Variants in C16orf54 observed in about 807,000 individuals in gnomAD.
C16orf54 encodes the protein chromosome 16 open reading frame 54, also known as transmembrane protein C16orf54.
A neutral mutation model predicts 3.9 loss-of-function variants in C16orf54; 2 were observed. The observed-to-expected ratio is 0.52, with a 90% confidence interval of 0.21 to 1.63. The LOEUF (loss-of-function observed/expected upper bound fraction) is 1.63. C16orf54 is among the 40% of genes most tolerant of loss of function. C16orf54 has a pLI of 0.21. For synonymous variants in C16orf54, 128 were observed against 135.1 expected, an observed-to-expected ratio of 0.95 and a Z score of 0.37; for missense variants, 272 against 326.3, an observed-to-expected ratio of 0.83 and a Z score of 1.28.
chr16:29,745,903 C>T lies in C16orf54; in HGVS notation c.-1+8G>A, dbSNP rs1968130168. 1 of 153,548 alleles carries T rather than the reference C, an allele frequency of 6.5e-6. No homozygotes were observed. Among genetic ancestry groups the T allele is most frequent in the South Asian group, 2.1e-4 (1 of 4,874 alleles). The allele number at this position is 153,548 out of a possible 1,614,324, so 9.5% of individuals were successfully genotyped here. A position where few individuals can be genotyped will look rare whatever the true frequency, so the allele number is the denominator to read the frequency against. ...TCTGCAGGGGGCCTCCTGCACCCCT[C>T]AACTCACCTTGGGTCAGTCCCTGGG... On this transcript the variant is annotated splice_region_variant and intron_variant, in intron 1 of 1. Transcript: ENST00000329410.
Position 29,744,343 on chromosome 16 carries a change from T to C in C16orf54, c.609A>G (p.Pro203=), listed in dbSNP as rs1968107094. 6.2e-7 allele frequency: 1 copy of C among 1,612,974 alleles called. No individual in the cohort carries two copies. Among genetic ancestry groups the C allele is most frequent in the Non-Finnish European group, 8.5e-7 (1 of 1,179,984 alleles). ...GSPDPEWGLQ[P]RVTLEQISAF... is the part of the protein sequence containing the mutation. ...CTGAGATCTGCTCCAAGGTGACCCGTGGCTGGAGGCCCCACTCAGGATCCG... is the reference window on the plus strand; with the variant it reads ...CTGAGATCTGCTCCAAGGTGACCCGCGGCTGGAGGCCCCACTCAGGATCCG... The change falls in exon 2 of 2, where the codon CCA becomes CCG. Residue 203 remains proline (P), a synonymous_variant. Coordinates refer to ENST00000329410, the MANE Select transcript of C16orf54 (RefSeq NM_175900.4). This position sits in a 1 kb window ranked among gnomAD's most constrained non-coding sequence, Gnocchi z 7.1.
chr16:29,745,149 C>G, intron 1 of C16orf54, 198 bp from the exon 2 acceptor site: 1 of 452,930 alleles, frequency 2.2e-6, no homozygotes, highest in Admixed American at 4.3e-5. Context: ...CCTGGACACA[C>G]AGTGAAACCT....
Position 29,743,462 on chromosome 16 carries a change from G to A in C16orf54, c.*815C>T, listed in dbSNP as rs1199641206. The A allele has an allele frequency of 6.6e-6, 1 of 152,140 alleles. No individual in the cohort carries two copies. Among genetic ancestry groups the A allele is most frequent in the Non-Finnish European group, 1.5e-5 (1 of 68,060 alleles). The allele number at this position is 152,140 out of a possible 1,614,324, so 9.4% of individuals were successfully genotyped here. ...GACACTCCAGCAAGCTGGAAGGGAC[G>A]ATGATCAGAGGTCACAGTTTGGGAG... On this transcript the variant is annotated 3_prime_UTR_variant, in exon 2 of 2. Coordinates refer to ENST00000329410, the MANE Select transcript of C16orf54 (RefSeq NM_175900.4).
Position 29,744,890 on chromosome 16 carries a change from G to A in C16orf54, c.62C>T (p.Ala21Val). The A allele has an allele frequency of 6.8e-7, 1 of 1,470,046 alleles. No individual in the cohort carries two copies. Among genetic ancestry groups the A allele is most frequent in the Non-Finnish European group, 9.0e-7 (1 of 1,114,256 alleles). 91.1% of individuals were successfully genotyped at this position (1,470,046 alleles called of 1,614,324 possible). A position where few individuals can be genotyped will look rare whatever the true frequency, so the allele number is the denominator to read the frequency against. The change falls in exon 2 of 2, where the codon GCC becomes GTC. Residue 21 changes from alanine (A) to valine (V), a missense_variant. Transcript: ENST00000329410. The surrounding 1 kb of genome is among the most constrained non-coding windows in gnomAD (Gnocchi z 7.1). ...RVEGPPAWEA[A>V]PWPSLPCGPC... ...CCCACAGGGCAGTGAGGGCCATGGGGCTGCTTCCCATGCGGGGGGCCCCTC... is the reference window on the plus strand; with the variant it reads ...CCCACAGGGCAGTGAGGGCCATGGGACTGCTTCCCATGCGGGGGGCCCCTC...
At position 29,743,047 on chromosome 16, in the gene C16orf54, A is replaced by C. The variant is rs2142335061; in HGVS notation, c.*1230T>G. 6.6e-6 allele frequency: 1 copy of C among 152,082 alleles called. No individual in the cohort carries two copies. The highest frequency in any genetic ancestry group is 2.4e-5 in the African/African-American group (1 of 41,472). The allele number at this position is 152,082 out of a possible 1,614,324, so 9.4% of individuals were successfully genotyped here. ...GGATCACTTGAGCCCAGGAGTTGGA[A>C]ACCTGCCCAGGCAGTATGGTGAGAC... On this transcript the variant is annotated 3_prime_UTR_variant, in exon 2 of 2. Transcript: ENST00000329410.
chr16:29,744,183 G>C lies in C16orf54; in HGVS notation c.*94C>G. 8.6e-7 allele frequency: 1 copy of C among 1,162,820 alleles called. No individual in the cohort carries two copies. The highest frequency in any genetic ancestry group is 1.2e-6 in the Non-Finnish European group (1 of 804,456). 72.0% of individuals were successfully genotyped at this position (1,162,820 alleles called of 1,614,324 possible). A position where few individuals can be genotyped will look rare whatever the true frequency, so the allele number is the denominator to read the frequency against. On this transcript the variant is annotated 3_prime_UTR_variant, in exon 2 of 2. Coordinates refer to ENST00000329410, the MANE Select transcript of C16orf54 (RefSeq NM_175900.4). This position sits in a 1 kb window ranked among gnomAD's most constrained non-coding sequence, Gnocchi z 7.1. Reference sequence around the variant, plus strand: ...GAAGGAGCCTGGGAAGGGCATCTTCGCTGGGGCAGTCTCAATCCTAATGCT... The same window carrying C: ...GAAGGAGCCTGGGAAGGGCATCTTCCCTGGGGCAGTCTCAATCCTAATGCT...
At position 29,744,772 on chromosome 16, in the gene C16orf54, A is replaced by G; in HGVS notation, c.180T>C (p.Ala60=). The G allele has an allele frequency of 6.8e-7, 1 of 1,460,184 alleles. No individual in the cohort carries two copies. Among genetic ancestry groups the G allele is most frequent in the Non-Finnish European group, 9.0e-7 (1 of 1,107,766 alleles). The allele number at this position is 1,460,184 out of a possible 1,614,324, so 90.5% of individuals were successfully genotyped here. The change falls in exon 2 of 2, where the codon GCT becomes GCC. Residue 60 remains alanine (A), a synonymous_variant. Transcript: ENST00000329410. This position sits in a 1 kb window ranked among gnomAD's most constrained non-coding sequence, Gnocchi z 7.1. ...CACGGTGGCTGGGGTCTGGGCGGAG[A>G]GCACGGCGGAACAGGCGTTCAGCCA... ...AVLAERLFRR[A]LRPDPSHRAP...
At position 29,744,600 on chromosome 16, in the gene C16orf54, C is replaced by A. The variant is rs1339938191; in HGVS notation, c.352G>T (p.Glu118Ter). ...GCAGGTGGGGCTGTTGCTCGGGCCT[C>A]CAAAGTGCCCACCTGGGTGGGAGGC... ...PEPPTQVGTLEARATAPPAPS... is the reference protein window; with the variant it reads ...PEPPTQVGTL Residue 118 changes from glutamate to a stop codon, truncating the protein, a stop_gained, in exon 2 of 2, where the codon GAG (glutamate) becomes TAG (stop). Transcript: ENST00000329410. LOFTEE classifies it low-confidence loss of function (END_TRUNC). This position sits in a 1 kb window ranked among gnomAD's most constrained non-coding sequence, Gnocchi z 7.1. 19 of 1,464,690 alleles carry A rather than the reference C, an allele frequency of 1.3e-5. No homozygotes were observed. Among genetic ancestry groups the A allele is most frequent in the Non-Finnish European group, 1.7e-5 (19 of 1,108,766 alleles). The allele number at this position is 1,464,690 out of a possible 1,614,324, so 90.7% of individuals were successfully genotyped here.
chr16:29,744,185 T>C lies in C16orf54; in HGVS notation c.*92A>G. 1 of 1,175,222 alleles carries C rather than the reference T, an allele frequency of 8.5e-7. No individual in the cohort carries two copies. Among genetic ancestry groups the C allele is most frequent in the Non-Finnish European group, 1.2e-6 (1 of 815,146 alleles). The allele number at this position is 1,175,222 out of a possible 1,614,324, so 72.8% of individuals were successfully genotyped here. The stretch of plus-strand genomic sequence containing the variant: ...AGGAGCCTGGGAAGGGCATCTTCGC[T>C]GGGGCAGTCTCAATCCTAATGCTGG... On this transcript the variant is annotated 3_prime_UTR_variant, in exon 2 of 2. Coordinates refer to ENST00000329410, the MANE Select transcript of C16orf54 (RefSeq NM_175900.4). This position sits in a 1 kb window ranked among gnomAD's most constrained non-coding sequence, Gnocchi z 7.1.
rs752949285 is a variant in C16orf54, at chr16:29,744,353, C to G, written c.599G>C (p.Gly200Ala). ...CTCCAAGGTGACCCGTGGCTGGAGG[C>G]CCCACTCAGGATCCGGGCTCCCTGG... ...QRPGSPDPEW[G>A]LQPRVTLEQI... Residue 200 changes from glycine to alanine, a missense_variant, in exon 2 of 2, where the codon GGC (glycine) becomes GCC (alanine). Coordinates refer to ENST00000329410, the MANE Select transcript of C16orf54 (RefSeq NM_175900.4). This position sits in a 1 kb window ranked among gnomAD's most constrained non-coding sequence, Gnocchi z 7.1. 1.7e-5 allele frequency: 28 copies of G among 1,612,626 alleles called. No homozygotes were observed. The highest frequency in any genetic ancestry group is 3.3e-4 in the Middle Eastern group (2 of 6,084).
chr16:29,745,301 C>T (rs757698152), intron 1 of C16orf54: 5 of 264,316 alleles, frequency 1.9e-5, no homozygotes, highest in Non-Finnish European at 2.8e-5. Context: ...CACTGTCCTC[C>T]AGCCTGGGCA....
Position 29,744,574 on chromosome 16 carries a change from G to A in C16orf54, c.378C>T (p.Ala126=). 2 of 1,476,356 alleles carry A rather than the reference G, an allele frequency of 1.4e-6. No homozygotes were observed. Among genetic ancestry groups the A allele is most frequent in the Middle Eastern group, 4.0e-4 (2 of 5,050 alleles). 91.5% of individuals were successfully genotyped at this position (1,476,356 alleles called of 1,614,324 possible). The change falls in exon 2 of 2, where the codon GCC becomes GCT. Residue 126 remains alanine, a synonymous_variant. Coordinates refer to ENST00000329410, the MANE Select transcript of C16orf54 (RefSeq NM_175900.4). The surrounding 1 kb of genome is among the most constrained non-coding windows in gnomAD (Gnocchi z 7.1). ...TLEARATAPP[A]PSAPNSAPSN... ...TGGGAGCAGAATTTGGGGCTGAGGG[G>A]GCAGGTGGGGCTGTTGCTCGGGCCT...
rs889798343 is a variant in C16orf54 at position 29,744,803 on chromosome 16, GC to G, written c.148del (p.Ala50LeufsTer54). On this transcript the variant is annotated frameshift_variant, in exon 2 of 2. Coordinates refer to ENST00000329410, the MANE Select transcript of C16orf54 (RefSeq NM_175900.4). LOFTEE classifies it low-confidence loss of function (END_TRUNC). The surrounding 1 kb of genome is among the most constrained non-coding windows in gnomAD (Gnocchi z 7.1). The part of the protein sequence containing the change: ...TLAALFILTT[A>X]VLAERLFRRA... Reference sequence around the variant, plus strand: ...GCGGAACAGGCGTTCAGCCAACACAGCGGTGGTGAGGATGAAGAGCGCAGCC... The same window carrying G: ...GCGGAACAGGCGTTCAGCCAACACAGGGTGGTGAGGATGAAGAGCGCAGCC... 1 of 1,472,324 alleles carries G rather than the reference GC, an allele frequency of 6.8e-7. No individual in the cohort carries two copies. Among genetic ancestry groups the G allele is most frequent in the Non-Finnish European group, 9.0e-7 (1 of 1,115,740 alleles). The allele number at this position is 1,472,324 out of a possible 1,614,324, so 91.2% of individuals were successfully genotyped here.
chr16:29,744,870 A>G lies in C16orf54; in HGVS notation c.82T>C (p.Cys28Arg). Residue 28 changes from cysteine (C) to arginine (R), a missense_variant, in exon 2 of 2, where the codon TGT becomes CGT. By Grantham distance (180) the Cys-to-Arg change is radical. Transcript: ENST00000329410. This position sits in a 1 kb window ranked among gnomAD's most constrained non-coding sequence, Gnocchi z 7.1. The stretch of plus-strand genomic sequence containing the variant: ...AGCATGATGGGGATGCAGGGCCCAC[A>G]GGGCAGTGAGGGCCATGGGGCTGCT... Reference protein sequence around the residue: ...WEAAPWPSLPCGPCIPIMLVL... With the variant: ...WEAAPWPSLPRGPCIPIMLVL... 2 of 1,474,080 alleles carry G rather than the reference A, an allele frequency of 1.4e-6. No individual in the cohort carries two copies. The highest frequency in any genetic ancestry group is 1.5e-5 in the South Asian group (1 of 67,926). The allele number at this position is 1,474,080 out of a possible 1,614,324, so 91.3% of individuals were successfully genotyped here. A position where few individuals can be genotyped will look rare whatever the true frequency, so the allele number is the denominator to read the frequency against.
chr16:29,745,527 A>T (rs1392521092), intron 1 of C16orf54: 1 of 152,422 alleles, frequency 6.6e-6, no homozygotes, highest in African/African-American at 2.4e-5. Flanking sequence ...AAAGGTCTCA[A>T]GGGCTTCTTT....
In C16orf54 at chr16:29,743,165, C is replaced by A. The variant is rs76901882; in HGVS notation, c.*1112G>T. The A allele has an allele frequency of 0.17, 22,242 of 133,918 alleles. 1,775 individuals carry two copies. Among genetic ancestry groups the A allele is most frequent in the Middle Eastern group, 0.25 (57 of 230 alleles). The allele number at this position is 133,918 out of a possible 1,614,324, so 8.3% of individuals were successfully genotyped here. On this transcript the variant is annotated 3_prime_UTR_variant, in exon 2 of 2. Coordinates refer to ENST00000329410, the MANE Select transcript of C16orf54 (RefSeq NM_175900.4). ...TCTAGAGGTTGAGGTGGGAGGATCG[C>A]TTGAGCCTAGGAGTTCGAGGCTGTA...
Position 29,744,883 on chromosome 16 carries a change from C to A in C16orf54, c.69G>T (p.Trp23Cys). 6.8e-7 allele frequency: 1 copy of A among 1,473,684 alleles called. No homozygotes were observed. The highest frequency in any genetic ancestry group is 9.0e-7 in the Non-Finnish European group (1 of 1,116,474). 91.3% of individuals were successfully genotyped at this position (1,473,684 alleles called of 1,614,324 possible). The change falls in exon 2 of 2, where the codon TGG becomes TGT. Residue 23 changes from tryptophan (W) to cysteine (C), a missense_variant. Trp to Cys is a radical substitution (Grantham distance 215). Transcript: ENST00000329410. This position sits in a 1 kb window ranked among gnomAD's most constrained non-coding sequence, Gnocchi z 7.1. ...TGCAGGGCCCACAGGGCAGTGAGGG[C>A]CATGGGGCTGCTTCCCATGCGGGGG... The part of the protein sequence containing the change: ...EGPPAWEAAP[W>C]PSLPCGPCIP...
In C16orf54 at chr16:29,744,503, G is replaced by T; in HGVS notation, c.449C>A (p.Thr150Asn). 1 of 1,539,582 alleles carries T rather than the reference G, an allele frequency of 6.5e-7. No individual in the cohort carries two copies. Among genetic ancestry groups the T allele is most frequent in the Non-Finnish European group, 8.7e-7 (1 of 1,142,908 alleles). Residue 150 changes from threonine (T) to asparagine (N), a missense_variant, in exon 2 of 2, where the codon ACC becomes AAC. Coordinates refer to ENST00000329410, the MANE Select transcript of C16orf54 (RefSeq NM_175900.4). The surrounding 1 kb of genome is among the most constrained non-coding windows in gnomAD (Gnocchi z 7.1). ...QTVLEVPARS[T>N]FWGPQPWEGR... Reference sequence around the variant, plus strand: ...CTCCCAGGGCTGGGGCCCCCAGAAGGTGCTCCGGGCTGGGACCTCCAGTAC... The same window carrying T: ...CTCCCAGGGCTGGGGCCCCCAGAAGTTGCTCCGGGCTGGGACCTCCAGTAC...
Position 29,744,451 on chromosome 16 carries a change from C to T in C16orf54, c.501G>A (p.Val167=). Residue 167 remains valine, a synonymous_variant, in exon 2 of 2, where the codon GTG becomes GTA. Transcript: ENST00000329410. The surrounding 1 kb of genome is among the most constrained non-coding windows in gnomAD (Gnocchi z 7.1). ...WEGRPPATGL[V]SWAEPEQRPE... is the part of the protein sequence containing the mutation. ...GCCTCTGCTCGGGTTCAGCCCAGCT[C>T]ACCAGGCCTGTGGCGGGGGGCCTCC... 6.4e-7 allele frequency: 1 copy of T among 1,559,744 alleles called. No individual in the cohort carries two copies.
Sources: gnomAD v4.1 joint callset for allele counts on GRCh38, gnomAD v4.1.1 for gene constraint, Gnocchi (gnomAD v3.1) non-coding constraint, MANE v1.5 for transcripts, NCBI Gene and HGNC (gene_info 2026-07-23, HGNC 2026-07-21) for gene names.